PCDHA13: variants seen among roughly 807,000 people sequenced by gnomAD.
PCDHA13 encodes protocadherin alpha 13, also known as protocadherin alpha-13.
PCDHA13 carries 54 observed loss-of-function variants against 64.8 expected under a neutral mutation model. That is an observed-to-expected ratio of 0.83 (90% CI 0.67 to 1.04). PCDHA13 has a LOEUF of 1.04. Ranked by LOEUF, PCDHA13 falls within the 50% of genes least tolerant of loss-of-function variation. PCDHA13 has a pLI of 0.00. For missense variants in PCDHA13, 1,248 were observed against 1,254.3 expected (o/e 0.99, Z 0.08); for synonymous variants, 587 against 564.4 (o/e 1.04, Z -0.57).
intron 3 of PCDHA13, among the ~76,000 whole-genome samples, chr5:140,994,753 G>A (rs143791883): frequency 1.1e-4 from 16 of 152,252 alleles, no homozygotes; most frequent in African/African-American, 3.9e-4. Context: ...AGTAGGATGT[G>A]GAGAGGAAGA....
intron 1 of PCDHA13, among the ~76,000 whole-genome samples, chr5:140,959,594 A>G (rs1420498368): frequency 6.6e-6 from 1 of 152,220 alleles, no homozygotes; most frequent in African/African-American, 2.4e-5. Flanking sequence ...TCAGCCAAGT[A>G]TAACATGCTT....
At chr5:140,995,851 G>A (rs2097700458) in intron 3 of PCDHA13, among the ~76,000 whole-genome samples, 4 of 152,250 alleles carry the variant, frequency 2.6e-5, no homozygotes, top group South Asian at 2.1e-4. Flanking sequence ...CATTTCTATC[G>A]TATCACTTAA....
chr5:140,968,206 G>A lies in PCDHA13; in HGVS notation c.2395-10743G>A, dbSNP rs782751494. Reference sequence around the variant, plus strand: ...ACTCCTATTCCATCTACATACAGGAGAACAATTTGCCAGGTGTGTTGCTCT... The same window carrying A: ...ACTCCTATTCCATCTACATACAGGAAAACAATTTGCCAGGTGTGTTGCTCT... On this transcript the variant is annotated intron_variant, in intron 1 of 3. Coordinates refer to ENST00000289272, the MANE Select transcript of PCDHA13 (RefSeq NM_018904.3). 170 of 1,613,876 alleles carry A rather than the reference G, an allele frequency of 1.1e-4. 1 individual carries two copies. Among genetic ancestry groups the A allele is most frequent in the Non-Finnish European group, 1.4e-4 (163 of 1,180,042 alleles).
At chr5:140,899,753 T>G (rs2067532965) in intron 1 of PCDHA13, among the ~76,000 whole-genome samples, 1 of 152,244 alleles carries the variant, frequency 6.6e-6, no homozygotes, top group African/African-American at 2.4e-5. Flanking sequence ...TCAGAAGGAA[T>G]GGTACCAGTT....
At chr5:140,941,255 C>CTTTCTTTCTTTCTTTCTTTCTTTCTTTT (rs782490896) in intron 1 of PCDHA13, among the ~76,000 whole-genome samples, 1 of 44,508 alleles carries the variant, frequency 2.2e-5, no homozygotes, top group Non-Finnish European at 5.1e-5. Flanking sequence ...TTCTTTCTTT[C>CTTTCTTTCTTTCTTTCTTTCTTTCTTTT]TCTTTCTTTC....
rs782025005 is a variant in PCDHA13 at position 140,982,513 on chromosome 5, G to C, written c.2492G>C (p.Gly831Ala). 83 of 1,614,076 alleles carry C rather than the reference G, an allele frequency of 5.1e-5. No homozygotes were observed. The highest frequency in any genetic ancestry group is 6.4e-5 in the Non-Finnish European group (75 of 1,180,040). ...GAGGAGGCTGGCATTCTACGGGCTG[G>C]TCCAGGAGGGCCTGATCAGCAGTGG... The part of the protein sequence containing the change: ...HLEEAGILRA[G>A]PGGPDQQWPT... The change falls in exon 3 of 4, where the codon GGT becomes GCT. Residue 831 changes from glycine (G) to alanine (A), a missense_variant. Transcript: ENST00000289272.
At chr5:140,926,196 T>C (rs1175807987) in intron 1 of PCDHA13, among the ~76,000 whole-genome samples, 1 of 151,596 alleles carries the variant, frequency 6.6e-6, no homozygotes, top group Non-Finnish European at 1.5e-5. Context: ...CAGCACTTCT[T>C]TCGGGGGGCT....
chr5:141,007,678 A>T (rs1472767852), intron 3 of PCDHA13, among the ~76,000 whole-genome samples: 1 of 152,236 alleles, frequency 6.6e-6, no homozygotes, highest in Non-Finnish European at 1.5e-5. Context: ...GACAAAAGTT[A>T]TCCTACTTCC....
chr5:140,915,008 T>C (rs1201776517), intron 1 of PCDHA13, among the ~76,000 whole-genome samples: 1 of 150,866 alleles, frequency 6.6e-6, no homozygotes, highest in Non-Finnish European at 1.5e-5. Context: ...TGCAGTGGCC[T>C]GATCTTGGCT....
chr5:140,900,432 C>T (rs782344144), intron 1 of PCDHA13, among the ~76,000 whole-genome samples: 1 of 152,178 alleles, frequency 6.6e-6, no homozygotes, highest in Non-Finnish European at 1.5e-5. Flanking sequence ...CACGTGCCAC[C>T]ACGGCCGGCT....
rs182063339 is a variant in PCDHA13 at position 140,937,439 on chromosome 5, T to C, written c.2395-41510T>C. Among the ~76,000 whole-genome samples, 830 of 152,312 alleles carry C rather than the reference T, an allele frequency of 5.4e-3. 3 individuals are homozygous for C. The highest frequency in any genetic ancestry group is 0.019 in the African/African-American group (799 of 41,586). Reference sequence around the variant, plus strand: ...TAGATAGCTGATATTTTAATGCTATTTTAAAAGTTTAATTTTATAATACAA... The same window carrying C: ...TAGATAGCTGATATTTTAATGCTATCTTAAAAGTTTAATTTTATAATACAA... On this transcript the variant is annotated intron_variant, in intron 1 of 3. Coordinates refer to ENST00000289272, the MANE Select transcript of PCDHA13 (RefSeq NM_018904.3).
chr5:140,985,357 C>T (rs577732404), intron 3 of PCDHA13, among the ~76,000 whole-genome samples: 1 of 152,298 alleles, frequency 6.6e-6, no homozygotes, highest in East Asian at 1.9e-4. Flanking sequence ...TATAGACCCT[C>T]TGAGGTTATC....
chr5:140,967,745 G>A, intron 1 of PCDHA13: 1 of 1,614,184 alleles, frequency 6.2e-7, no homozygotes, highest in Non-Finnish European at 8.5e-7. Flanking sequence ...GGATTATGAG[G>A]AAGCCTCCTC....
chr5:140,929,308 G>A, intron 1 of PCDHA13: 3 of 1,569,682 alleles, frequency 1.9e-6, no homozygotes, highest in East Asian at 2.3e-5. Context: ...AGGGGATCAC[G>A]CTAATGTCAA....
At chr5:140,949,544 T>A (rs981428881) in intron 1 of PCDHA13, among the ~76,000 whole-genome samples, 1 of 151,908 alleles carries the variant, frequency 6.6e-6, no homozygotes, top group Non-Finnish European at 1.5e-5. Flanking sequence ...TATCGATTTG[T>A]TGCTGGTCAT....
At position 140,882,318 on chromosome 5, in the gene PCDHA13, G is replaced by A. The variant is rs534213144; in HGVS notation, c.50G>A (p.Trp17Ter). Residue 17 changes from tryptophan (W) to a stop codon, truncating the protein, a stop_gained, in exon 1 of 4, where the codon TGG (tryptophan) becomes TAG (stop). Transcript: ENST00000289272. LOFTEE classifies it high-confidence loss of function. ...GGPRPRQLLL[W>*]LLILAAWETG... ...CCAAGACCGCGGCAACTACTGCTCT[G>A]GCTTCTGATCCTCGCAGCCTGGGAG... 5 of 1,614,128 alleles carry A rather than the reference G, an allele frequency of 3.1e-6. No individual in the cohort carries two copies. In the African/African-American group the frequency reaches 6.7e-5, roughly 22 times the overall value.
At chr5:140,937,844 G>A (rs926736710) in intron 1 of PCDHA13, among the ~76,000 whole-genome samples, 7 of 149,606 alleles carry the variant, frequency 4.7e-5, no homozygotes, top group Non-Finnish European at 8.9e-5. Context: ...CCTGGAAGGC[G>A]GAACTTGGAG....
intron 1 of PCDHA13, among the ~76,000 whole-genome samples, chr5:140,925,065 G>C (rs782540022): frequency 2.0e-5 from 3 of 151,188 alleles, no homozygotes; most frequent in Non-Finnish European, 4.4e-5. Flanking sequence ...GGGCAACAAA[G>C]CAACACGCTC....
intron 1 of PCDHA13, among the ~76,000 whole-genome samples, chr5:140,896,282 A>G (rs1326876303): frequency 2.0e-5 from 3 of 152,224 alleles, no homozygotes; most frequent in Non-Finnish European, 4.4e-5. Context: ...GCTGGCTTGA[A>G]TGGTAAGTTC....
Sources: allele counts gnomAD v4.1 joint callset (sites outside exome capture counted in the v4.1 genomes callset), GRCh38; gene constraint gnomAD v4.1.1; transcripts MANE v1.5; gene names NCBI Gene and HGNC (gene_info 2026-07-23, HGNC 2026-07-21).